Variants in ANO3 observed in about 807,000 individuals in gnomAD.
The protein encoded by ANO3 is anoctamin 3.
In ANO3, 99 loss-of-function variants were observed where a neutral mutation model predicts 144.8. The observed-to-expected ratio is 0.68, with a 90% CI of 0.58 to 0.81. The LOEUF (loss-of-function observed/expected upper bound fraction) is 0.81, where lower values mean the gene tolerates loss of function less well. Among genes scored for constraint, ANO3 ranks in the 30% least tolerant of loss-of-function variants. The probability of loss-of-function intolerance (pLI) is 0.00; values close to 1 mark genes in which losing one functional copy is unlikely to be tolerated. For synonymous variants in ANO3, 414 were observed against 392.6 expected, an observed-to-expected ratio of 1.05 and a Z score of -0.64; for missense variants, 905 against 1,202.2, an observed-to-expected ratio of 0.75 and a Z score of 3.66.
chr11:26,383,363 G>A (rs1001393728), intron 1 of ANO3, among the ~76,000 whole-genome samples: 1 of 152,006 alleles, frequency 6.6e-6, no homozygotes, highest in Non-Finnish European at 1.5e-5. Flanking sequence ...GTTAACCAGA[G>A]TAAGGCATTA....
chr11:26,290,645 T>A (rs551473260), intron 1 of ANO3, among the ~76,000 whole-genome samples: 4 of 152,362 alleles, frequency 2.6e-5, no homozygotes, highest in Admixed American at 2.0e-4. Context: ...ACATCTTTAT[T>A]TCTGCCTTCA....
intron 1 of ANO3, among the ~76,000 whole-genome samples, chr11:26,275,012 T>C (rs1166211551): frequency 6.6e-6 from 1 of 152,036 alleles, no homozygotes; most frequent in East Asian, 1.9e-4. Context: ...ATTTAAAAGG[T>C]TACCTCAAAA....
intron 3 of ANO3, among the ~76,000 whole-genome samples, chr11:26,462,030 C>G (rs1590381386): frequency 6.6e-6 from 1 of 151,872 alleles, no homozygotes; most frequent in Non-Finnish European, 1.5e-5. Context: ...GTTTATACCA[C>G]TAAAAACCTG....
intron 1 of ANO3, among the ~76,000 whole-genome samples, chr11:26,325,197 C>T (rs1198109912): frequency 6.6e-6 from 1 of 152,218 alleles, no homozygotes; most frequent in South Asian, 2.1e-4. Flanking sequence ...CTTATGTCAC[C>T]AGTTGCTATC....
At chr11:26,245,036 T>C (rs1852758937) in intron 1 of ANO3, among the ~76,000 whole-genome samples, 2 of 146,032 alleles carry the variant, frequency 1.4e-5, no homozygotes, top group South Asian at 4.5e-4. Context: ...CATGCATTTG[T>C]CTTTCATAGC....
intron 1 of ANO3, among the ~76,000 whole-genome samples, chr11:26,229,204 T>G (rs1852332161): frequency 6.6e-6 from 1 of 152,216 alleles, no homozygotes; most frequent in South Asian, 2.1e-4. Context: ...TGCCAAGAAT[T>G]CTCTGTGTTA....
chr11:26,236,100 C>T (rs1371616179), intron 1 of ANO3, among the ~76,000 whole-genome samples: 2 of 152,132 alleles, frequency 1.3e-5, no homozygotes, highest in Non-Finnish European at 2.9e-5. Flanking sequence ...TCTGTTTTTA[C>T]AGGTCCACAT....
At chr11:26,425,609 A>G (rs532731637) in intron 1 of ANO3, among the ~76,000 whole-genome samples, 26 of 152,236 alleles carry the variant, frequency 1.7e-4, no homozygotes, top group African/African-American at 6.3e-4. Flanking sequence ...ATTCTGTCTG[A>G]AAAGTGAAAT....
intron 17 of ANO3, among the ~76,000 whole-genome samples, chr11:26,602,602 T>TA (rs60824957): frequency 6.7e-6 from 1 of 149,096 alleles, no homozygotes. Context: ...TTTTTTTTTT[T>TA]AAAGCCAAGT....
chr11:26,614,121 A>C (rs138178536), intron 17 of ANO3, among the ~76,000 whole-genome samples: 2 of 152,202 alleles, frequency 1.3e-5, no homozygotes, highest in Non-Finnish European at 2.9e-5. Flanking sequence ...CAGGCTGTAC[A>C]TGAACATATG....
intron 1 of ANO3, among the ~76,000 whole-genome samples, chr11:26,397,702 C>T (rs1278361260): frequency 6.6e-6 from 1 of 152,018 alleles, no homozygotes; most frequent in Non-Finnish European, 1.5e-5. Flanking sequence ...GTGTTGGGAA[C>T]ATTCAGTATC....
At chr11:26,383,194 C>T (rs1251994770) in intron 1 of ANO3, among the ~76,000 whole-genome samples, 1 of 152,062 alleles carries the variant, frequency 6.6e-6, no homozygotes, top group African/African-American at 2.4e-5. Flanking sequence ...ATAATCACTT[C>T]TGAGATAGAT....
intron 1 of ANO3, among the ~76,000 whole-genome samples, chr11:26,428,751 GTGTA>G (rs780666032): frequency 1.6e-4 from 21 of 131,412 alleles, no homozygotes; most frequent in African/African-American, 5.6e-4. Context: ...GTGTGTGTGT[GTGTA>G]TGTGTTTATC....
chr11:26,423,526 C>T (rs887196797), intron 1 of ANO3, among the ~76,000 whole-genome samples: 2 of 151,458 alleles, frequency 1.3e-5, no homozygotes, highest in African/African-American at 4.8e-5. Flanking sequence ...AGTTAATTTA[C>T]ACCAAATTTC....
chr11:26,285,088 C>G (rs1054303412), intron 1 of ANO3, among the ~76,000 whole-genome samples: 1 of 151,010 alleles, frequency 6.6e-6, no homozygotes, highest in African/African-American at 2.5e-5. Flanking sequence ...GGTTTATTTA[C>G]TGTGTACAAT....
chr11:26,295,023 T>C (rs1854054053), intron 1 of ANO3, among the ~76,000 whole-genome samples: 1 of 152,034 alleles, frequency 6.6e-6, no homozygotes, highest in Non-Finnish European at 1.5e-5. Flanking sequence ...CTCAGCCTCC[T>C]GAGTAACTGG....
intron 24 of ANO3, among the ~76,000 whole-genome samples, chr11:26,648,250 G>A (rs1008126146): frequency 6.6e-6 from 1 of 152,124 alleles, no homozygotes; most frequent in African/African-American, 2.4e-5. Flanking sequence ...AGCAGTGCTA[G>A]TTTGTGGGAA....
chr11:26,354,474 T>C (rs1855725472), intron 1 of ANO3, among the ~76,000 whole-genome samples: 1 of 152,154 alleles, frequency 6.6e-6, no homozygotes, highest in African/African-American at 2.4e-5. Flanking sequence ...CATACCTCAA[T>C]AAAGCCATCA....
chr11:26,198,443 A>G (rs980331949), intron 1 of ANO3, among the ~76,000 whole-genome samples: 5 of 152,154 alleles, frequency 3.3e-5, no homozygotes, highest in African/African-American at 1.2e-4. Context: ...CTGAAGGAAA[A>G]ATAAATGATA....
Sources: gnomAD v4.1 joint callset for allele counts (sites outside exome capture counted in the v4.1 genomes callset) on GRCh38, gnomAD v4.1.1 for gene constraint, MANE v1.5 for transcripts, NCBI Gene and HGNC (gene_info 2026-07-23, HGNC 2026-07-21) for gene names.